The following GLIS3 variants were observed in gnomAD, a reference collection of about 807,000 sequenced individuals.
GLIS3 encodes zinc finger protein GLIS3.
Under a neutral mutation model 78.6 loss-of-function variants are expected in GLIS3, and 53 were observed. The observed-to-expected ratio is 0.67, with a 90% confidence interval of 0.54 to 0.85. The LOEUF is 0.85. Ranked by LOEUF, GLIS3 falls within the 40% of genes least tolerant of loss-of-function variation. GLIS3 has a pLI of 0.00. For missense variants in GLIS3, 1,703 were observed against 1,231.1 expected (o/e 1.38, Z -5.74); for synonymous variants, 684 against 509.9 (o/e 1.34, Z -4.60).
chr9:4,265,597 T>G (rs954255286), intron 2 of GLIS3, among the ~76,000 whole-genome samples: 3 of 152,170 alleles, frequency 2.0e-5, no homozygotes, highest in African/African-American at 7.2e-5. Flanking sequence ...AACAAAAATG[T>G]TGTCACCTGT....
intron 4 of GLIS3, among the ~76,000 whole-genome samples, chr9:4,104,127 G>A (rs2130812672): frequency 6.6e-6 from 1 of 152,148 alleles, no homozygotes; most frequent in South Asian, 2.1e-4. Flanking sequence ...CTAGAAATAG[G>A]TGGTCCCAAA....
At chr9:4,123,493 A>T (rs1832340971) in intron 3 of GLIS3, among the ~76,000 whole-genome samples, 1 of 152,204 alleles carries the variant, frequency 6.6e-6, no homozygotes, top group Non-Finnish European at 1.5e-5. Context: ...TATAATTTTT[A>T]AAGAATGGGA....
At chr9:4,237,119 T>C (rs151268530) in intron 2 of GLIS3, among the ~76,000 whole-genome samples, 3 of 94,178 alleles carry the variant, frequency 3.2e-5, no homozygotes, top group Non-Finnish European at 5.9e-5. Context: ...CTTCCTTCAC[T>C]GATTTATTTC....
At chr9:4,353,278 C>T (rs1037081913), upstream of GLIS3, among the ~76,000 whole-genome samples, 1 of 152,304 alleles carries the variant, frequency 6.6e-6, no homozygotes, top group Non-Finnish European at 1.5e-5. Flanking sequence ...TGTAGCCCAG[C>T]AACTCCTCAA....
chr9:3,828,508 G>C, intron 10 of GLIS3, 100 bp from the exon 11 acceptor site: 1 of 1,472,832 alleles, frequency 6.8e-7, no homozygotes, highest in South Asian at 1.2e-5. Context: ...GAGGACTGGG[G>C]GCTAAGGAGG....
intron 6 of GLIS3, among the ~76,000 whole-genome samples, chr9:3,910,969 A>G (rs1024373029): frequency 2.6e-5 from 4 of 152,230 alleles, no homozygotes; most frequent in Non-Finnish European, 1.5e-5. Context: ...AAATATTAAC[A>G]GAGTTAACCA....
the GLIS3 span, among the ~76,000 whole-genome samples, chr9:4,447,210 G>A: frequency 9.4e-4 from 143 of 152,112 alleles, 1 homozygote; most frequent in Middle Eastern, 3.4e-3. Flanking sequence ...ACCATGCCTG[G>A]CTAATTATTT....
chr9:4,045,433 T>C (rs1825166768), intron 4 of GLIS3, among the ~76,000 whole-genome samples: 1 of 151,868 alleles, frequency 6.6e-6, no homozygotes, highest in Non-Finnish European at 1.5e-5. Context: ...CCTCCCAGGT[T>C]CAAGCAATTC....
At chr9:4,037,096 T>C (rs765864100) in intron 4 of GLIS3, among the ~76,000 whole-genome samples, 12 of 152,144 alleles carry the variant, frequency 7.9e-5, no homozygotes, top group Non-Finnish European at 1.5e-4. Context: ...GTTTTCCCCA[T>C]CTGAAAATGG....
At chr9:3,972,172 G>T (rs918523745) in intron 4 of GLIS3, among the ~76,000 whole-genome samples, 5 of 152,122 alleles carry the variant, frequency 3.3e-5, no homozygotes, top group Admixed American at 6.5e-5. Context: ...TTCTGCTTTG[G>T]TAAGTACTGC....
chr9:4,480,250 G>A, the GLIS3 span, among the ~76,000 whole-genome samples: 1 of 144,816 alleles, frequency 6.9e-6, no homozygotes, highest in South Asian at 2.2e-4. Flanking sequence ...TGTTGCCCAG[G>A]CTGGACTGCA....
chr9:4,321,114 G>A (rs866248671), intron 2 of GLIS3, among the ~76,000 whole-genome samples: 20 of 142,682 alleles, frequency 1.4e-4, no homozygotes, highest in African/African-American at 5.7e-4. Context: ...ACTCAGCATG[G>A]TCTCCGCTTT....
chr9:3,958,439 C>T (rs565993303), intron 4 of GLIS3, among the ~76,000 whole-genome samples: 1 of 152,232 alleles, frequency 6.6e-6, no homozygotes, highest in East Asian at 1.9e-4. Context: ...AGCAATAATG[C>T]CCACAAGTAA....
chr9:4,429,370 G>C, the GLIS3 span, among the ~76,000 whole-genome samples: 529 of 151,538 alleles, frequency 3.5e-3, 3 homozygotes, highest in Middle Eastern at 0.014. Context: ...ATTTCTTCTA[G>C]TGCCTTGTGT....
intron 2 of GLIS3, chr9:4,285,696 G>A (rs1300433191): frequency 7.0e-6 from 2 of 286,254 alleles, no homozygotes; most frequent in South Asian, 4.9e-5. Context: ...AGGGAAACAG[G>A]GCAGCGCTAC....
At chr9:4,287,170 G>C (rs909579584) in intron 1 of GLIS3, among the ~76,000 whole-genome samples, 5 of 152,148 alleles carry the variant, frequency 3.3e-5, no homozygotes, top group Non-Finnish European at 7.4e-5. Context: ...GATGGGAAGA[G>C]AATCAACAAC....
rs117104845 is a variant in GLIS3, at chr9:4,219,807, G to A, written c.388+66231C>T. 9.7e-3 allele frequency among the ~76,000 whole-genome samples: 1,472 copies of A among 152,298 alleles called. 7 individuals carry two copies. The highest frequency in any genetic ancestry group is 0.024 in the South Asian group (115 of 4,820). On this transcript the variant is annotated intron_variant, in intron 2 of 10. Transcript: ENST00000381971. ...CAGGTCCACGCAGAGCAAAGCAGGG[G>A]TGGAGCCTGTCCAGCTGCTACGTAT...
intron 2 of GLIS3, among the ~76,000 whole-genome samples, chr9:4,143,871 A>C (rs1009122240): frequency 1.3e-5 from 2 of 152,198 alleles, no homozygotes; most frequent in African/African-American, 4.8e-5. Context: ...AGCACACTGA[A>C]CTATCTATGG....
At chr9:4,110,361 C>T (rs753101817) in intron 4 of GLIS3, among the ~76,000 whole-genome samples, 66 of 152,250 alleles carry the variant, frequency 4.3e-4, no homozygotes, top group Middle Eastern at 3.4e-3. Flanking sequence ...CCTGCCTGCC[C>T]AGAAACTGGT....
Sources: gnomAD v4.1 joint callset for allele counts (sites outside exome capture counted in the v4.1 genomes callset) on GRCh38, gnomAD v4.1.1 for gene constraint, MANE v1.5 for transcripts, NCBI Gene and HGNC (gene_info 2026-07-23, HGNC 2026-07-21) for gene names.